FOXP2: variants seen among roughly 807,000 people sequenced by gnomAD.
FOXP2 encodes forkhead box P2.
In FOXP2, 12 loss-of-function variants were observed where a neutral mutation model predicts 115.8. That is an observed-to-expected ratio of 0.10 (90% CI 0.07 to 0.17). The LOEUF (loss-of-function observed/expected upper bound fraction) is 0.17, where lower values mean the gene tolerates loss of function less well. Among genes scored for constraint, FOXP2 ranks in the 10% least tolerant of loss-of-function variants. The pLI, the probability that FOXP2 is intolerant of heterozygous loss-of-function variation, is 1.00. For synonymous variants in FOXP2, 328 were observed against 297.7 expected, an observed-to-expected ratio of 1.10 and a Z score of -1.05; for missense variants, 629 against 843.5, an observed-to-expected ratio of 0.75 and a Z score of 3.15.
intron 3 of FOXP2, among the ~76,000 whole-genome samples, chr7:114,539,597 A>G (rs1799559376): frequency 6.6e-6 from 1 of 152,080 alleles, no homozygotes; most frequent in Non-Finnish European, 1.5e-5. Flanking sequence ...GTTTACAAGA[A>G]CAGACTATGT....
chr7:114,643,279 G>C (rs1805683945), intron 7 of FOXP2, among the ~76,000 whole-genome samples: 1 of 151,970 alleles, frequency 6.6e-6, no homozygotes, highest in South Asian at 2.1e-4. Context: ...CATTTTTTAA[G>C]CTAAAAATCA....
At chr7:114,572,970 A>T (rs559323573) in intron 3 of FOXP2, among the ~76,000 whole-genome samples, 1 of 151,938 alleles carries the variant, frequency 6.6e-6, no homozygotes, top group African/African-American at 2.4e-5. Flanking sequence ...GCTGCTTTGA[A>T]TGCAGTGTTA....
intron 1 of FOXP2, among the ~76,000 whole-genome samples, chr7:114,263,422 C>CCCTTTCCTTTCCTTTCCTTT (rs545404007): frequency 1.4e-5 from 2 of 146,942 alleles, no homozygotes; most frequent in African/African-American, 5.1e-5. Context: ...TTTTCCCTTT[C>CCCTTTCCTTTCCTTTCCTTT]CCTTTCCTTT....
intron 1 of FOXP2, among the ~76,000 whole-genome samples, chr7:114,134,276 G>T (rs548330995): frequency 2.0e-5 from 3 of 152,090 alleles, no homozygotes; most frequent in Admixed American, 2.0e-4. Context: ...AAAGGAAGGA[G>T]GATATTTAGA....
At chr7:114,397,223 A>G (rs1425398987) in intron 2 of FOXP2, among the ~76,000 whole-genome samples, 2 of 152,196 alleles carry the variant, frequency 1.3e-5, no homozygotes, top group African/African-American at 2.4e-5. Context: ...AGATTTTTAT[A>G]TATGAAAAAA....
rs765795898 is a variant in FOXP2, at chr7:114,692,543, A to G, written c.*2617A>G. On this transcript the variant is annotated 3_prime_UTR_variant, in exon 17 of 17. Transcript: ENST00000350908. Reference sequence around the variant, plus strand: ...TCTAAGAAAAATGTTGCTTTAATGCATTTCATGAATTTTTACTCTTATATC... The same window carrying G: ...TCTAAGAAAAATGTTGCTTTAATGCGTTTCATGAATTTTTACTCTTATATC... 2.2e-6 allele frequency: 1 copy of G among 453,906 alleles called. No homozygotes were observed. Among genetic ancestry groups the G allele is most frequent in the South Asian group, 1.6e-5 (1 of 64,220 alleles). The allele number at this position is 453,906 out of a possible 1,614,324, so 28.1% of individuals were successfully genotyped here.
At chr7:114,203,746 C>T (rs751221665) in intron 1 of FOXP2, among the ~76,000 whole-genome samples, 6 of 152,184 alleles carry the variant, frequency 3.9e-5, no homozygotes, top group Non-Finnish European at 7.3e-5. Flanking sequence ...CCAACTAACT[C>T]GACTGCCTGT....
chr7:114,645,129 A>AATATATATATATAT (rs60674425), intron 8 of FOXP2: 1 of 32,658 alleles, frequency 3.1e-5, no homozygotes, highest in African/African-American at 9.8e-5. Flanking sequence ...GAGTCATCCT[A>AATATATATATATAT]ATATATATAT....
At chr7:114,395,327 A>G (rs1487022086) in intron 2 of FOXP2, among the ~76,000 whole-genome samples, 1 of 152,196 alleles carries the variant, frequency 6.6e-6, no homozygotes, top group Non-Finnish European at 1.5e-5. Flanking sequence ...AAAAGATGCC[A>G]TGGAGGCACA....
chr7:114,263,655 A>C (rs745829794), intron 1 of FOXP2, among the ~76,000 whole-genome samples: 24 of 151,312 alleles, frequency 1.6e-4, no homozygotes, highest in Non-Finnish European at 8.8e-5. Context: ...CTTGAAATGT[A>C]TTCTTCCTTT....
At chr7:114,167,759 AC>A (rs1308706799) in intron 1 of FOXP2, among the ~76,000 whole-genome samples, 2 of 151,748 alleles carry the variant, frequency 1.3e-5, no homozygotes, top group African/African-American at 2.4e-5. Flanking sequence ...ACATGGTGAA[AC>A]CCTGTCTCTA....
chr7:114,128,123 C>T (rs565579339), intron 1 of FOXP2, among the ~76,000 whole-genome samples: 31 of 152,264 alleles, frequency 2.0e-4, no homozygotes, highest in South Asian at 6.2e-4. Context: ...ATGTGGTAAA[C>T]TCTTTTACTT....
At position 114,692,028 on chromosome 7, in the gene FOXP2, A is replaced by G. The variant is rs1451949146; in HGVS notation, c.*2102A>G. 4.4e-6 allele frequency: 2 copies of G among 453,372 alleles called. No individual in the cohort carries two copies. Among genetic ancestry groups the G allele is most frequent in the Non-Finnish European group, 4.4e-6 (1 of 226,324 alleles). The allele number at this position is 453,372 out of a possible 1,614,324, so 28.1% of individuals were successfully genotyped here. A position where few individuals can be genotyped will look rare whatever the true frequency, so the allele number is the denominator to read the frequency against. On this transcript the variant is annotated 3_prime_UTR_variant, in exon 17 of 17. Transcript: ENST00000350908. ...GTCACAGTAACTGCTACTTTTCATT[A>G]TGTTTGTCTTTGGGTCATGATCAAC... is the stretch of plus-strand genomic sequence containing the variant.
At chr7:114,679,919 C>G (rs904880871) in intron 16 of FOXP2, among the ~76,000 whole-genome samples, 1 of 152,104 alleles carries the variant, frequency 6.6e-6, no homozygotes, top group East Asian at 1.9e-4. Context: ...AGACTGAAAA[C>G]TTGATGATAA....
Position 114,533,428 on chromosome 7 carries a change from G to T in FOXP2, c.169-1189G>T, listed in dbSNP as rs994833546. The stretch of plus-strand genomic sequence containing the variant: ...AGTAGTTCAAACATTGTTCACACCA[G>T]CTGGCAGTGTAATGCCATATGCACA... On this transcript the variant is annotated intron_variant, in intron 2 of 16. Coordinates refer to ENST00000350908, the MANE Select transcript of FOXP2 (RefSeq NM_014491.4). Among the ~76,000 whole-genome samples, 5 of 151,864 alleles carry T rather than the reference G, an allele frequency of 3.3e-5. No homozygotes were observed. The Admixed American group carries it at 3.3e-4, about 10-fold the overall frequency.
intron 16 of FOXP2, among the ~76,000 whole-genome samples, chr7:114,681,338 C>T (rs1388442344): frequency 6.6e-6 from 1 of 152,092 alleles, no homozygotes; most frequent in Non-Finnish European, 1.5e-5. Context: ...GAAAATTTTA[C>T]TTTCTAACAG....
At chr7:114,458,089 C>T (rs1037763875) in intron 2 of FOXP2, among the ~76,000 whole-genome samples, 1 of 152,004 alleles carries the variant, frequency 6.6e-6, no homozygotes, top group Admixed American at 6.6e-5. Flanking sequence ...CAGAACAAAA[C>T]TCAAGATCAT....
intron 1 of FOXP2, among the ~76,000 whole-genome samples, chr7:114,199,167 C>G (rs1793992287): frequency 6.6e-6 from 1 of 151,996 alleles, no homozygotes; most frequent in South Asian, 2.1e-4. Context: ...CAGGTGTCAC[C>G]CGCTGTGCCT....
At chr7:114,588,226 G>T (rs2129306140) in intron 3 of FOXP2, among the ~76,000 whole-genome samples, 1 of 152,032 alleles carries the variant, frequency 6.6e-6, no homozygotes, top group Middle Eastern at 3.4e-3. Context: ...AGAATGGCGT[G>T]AACCTGAGAG....
Sources: allele counts gnomAD v4.1 joint callset (sites outside exome capture counted in the v4.1 genomes callset), GRCh38; gene constraint gnomAD v4.1.1; transcripts MANE v1.5; gene names NCBI Gene and HGNC (gene_info 2026-07-23, HGNC 2026-07-21).